ADAM9: variants seen among roughly 807,000 people sequenced by gnomAD.
ADAM9 encodes disintegrin and metalloproteinase domain-containing protein 9.
A neutral mutation model predicts 108.1 loss-of-function variants in ADAM9; 54 were observed. The observed-to-expected ratio is 0.50, with a 90% CI of 0.40 to 0.63. The LOEUF is 0.63. Ranked by LOEUF, ADAM9 falls within the 20% of genes least tolerant of loss-of-function variation. ADAM9 has a pLI of 0.00. For synonymous variants in ADAM9, 316 were observed against 336.0 expected, an observed-to-expected ratio of 0.94 and a Z score of 0.65; for missense variants, 830 against 997.7, an observed-to-expected ratio of 0.83 and a Z score of 2.26.
intron 12 of ADAM9, among the ~76,000 whole-genome samples, chr8:39,047,671 CTTTCTT>C (rs946555398): frequency 7.2e-5 from 11 of 151,904 alleles, no homozygotes; most frequent in Admixed American, 6.6e-4. Flanking sequence ...TGAGTCTTCT[CTTTCTT>C]TTTCTTAGTG....
chr8:39,102,551 G>A lies in ADAM9; in HGVS notation c.2366+621G>A, dbSNP rs564887827. Among the ~76,000 whole-genome samples, 141 of 152,254 alleles carry A rather than the reference G, an allele frequency of 9.3e-4. 2 individuals carry two copies. Among genetic ancestry groups the A allele is most frequent in the South Asian group, 7.3e-3 (35 of 4,824 alleles). On this transcript the variant is annotated intron_variant, in intron 21 of 21. Coordinates refer to ENST00000487273, the MANE Select transcript of ADAM9 (RefSeq NM_003816.3). ...TCTGTGCTGGGACCCAGAAGTAAGA[G>A]TGAACTAGACCTTCAACTGATTTCT...
At chr8:39,060,998 G>T (rs1268121859) in intron 14 of ADAM9, among the ~76,000 whole-genome samples, 1 of 152,232 alleles carries the variant, frequency 6.6e-6, no homozygotes, top group Non-Finnish European at 1.5e-5. Context: ...GCTTCAGTTG[G>T]AGTCACCACT....
intron 3 of ADAM9, among the ~76,000 whole-genome samples, chr8:39,012,303 C>G (rs1203332749): frequency 6.6e-6 from 1 of 152,156 alleles, no homozygotes; most frequent in East Asian, 1.9e-4. Flanking sequence ...AGGCTGTGTA[C>G]CTAACTAAAT....
At chr8:39,055,402 A>G (rs1838087274) in intron 13 of ADAM9, among the ~76,000 whole-genome samples, 175 bp from the exon 14 acceptor site, 1 of 152,074 alleles carries the variant, frequency 6.6e-6, no homozygotes, top group Non-Finnish European at 1.5e-5. Flanking sequence ...TACTTTCCAT[A>G]GTTAGGACTT....
chr8:39,021,794 T>C, intron 8 of ADAM9, 80 bp downstream of exon 8: 1 of 1,308,016 alleles, frequency 7.6e-7, no homozygotes, highest in Non-Finnish European at 1.1e-6. Context: ...ATGTCTCATT[T>C]TGAGTTCTGA....
At chr8:39,013,490 CTT>C (rs950906517) in intron 3 of ADAM9, among the ~76,000 whole-genome samples, 2 of 136,320 alleles carry the variant, frequency 1.5e-5, no homozygotes, top group African/African-American at 2.7e-5. Context: ...CGTTTATGAG[CTT>C]TTTTTTTTTC....
chr8:39,019,000 C>T (rs766487146), intron 7 of ADAM9, 82 bp downstream of exon 7: 1 of 1,287,202 alleles, frequency 7.8e-7, no homozygotes, highest in Non-Finnish European at 1.1e-6. Context: ...CTAAACTACA[C>T]ATTGTTTGTA....
chr8:39,082,670 T>C lies in ADAM9; in HGVS notation c.1911T>C (p.Ala637=), dbSNP rs1323290281. ...GTAGAAACTTCCAGTGTGTAGATGC[T>C]TCTGTTCTGAATTATGACTGTGATG... ...KICRNFQCVD[A]SVLNYDCDVQ... Residue 637 remains alanine (A), a synonymous_variant, in exon 17 of 22, where the codon GCT becomes GCC. Coordinates refer to ENST00000487273, the MANE Select transcript of ADAM9 (RefSeq NM_003816.3). 6 of 1,612,660 alleles carry C rather than the reference T, an allele frequency of 3.7e-6. No individual in the cohort carries two copies. Among genetic ancestry groups the C allele is most frequent in the Admixed American group, 1.7e-5 (1 of 59,930 alleles).
intron 9 of ADAM9, 110 bp from the exon 10 acceptor site, chr8:39,025,691 TCC>T: frequency 7.0e-6 from 7 of 996,520 alleles, no homozygotes; most frequent in Admixed American, 4.1e-5. Flanking sequence ...TTTGCCATTT[TCC>T]TGCCATGTTT....
intron 20 of ADAM9, among the ~76,000 whole-genome samples, chr8:39,092,017 T>C (rs999475286): frequency 1.3e-5 from 2 of 152,216 alleles, no homozygotes; most frequent in African/African-American, 4.8e-5. Context: ...ATCGGCCTAA[T>C]TGTCTAAGCT....
intron 12 of ADAM9, among the ~76,000 whole-genome samples, chr8:39,053,494 A>G (rs1588389547): frequency 6.6e-6 from 1 of 152,302 alleles, no homozygotes; most frequent in South Asian, 2.1e-4. Flanking sequence ...ATATTTCAAG[A>G]TGTACATTAA....
At position 39,105,042 on chromosome 8, in the gene ADAM9, T is replaced by A. The variant is rs1839822773; in HGVS notation, c.*1342T>A. ...TAGCTTCCTACTCAACTATTTATAA[T>A]CTCATTAATTAAAAAGTTATAATTT... On this transcript the variant is annotated 3_prime_UTR_variant, in exon 22 of 22. Coordinates refer to ENST00000487273, the MANE Select transcript of ADAM9 (RefSeq NM_003816.3). 1 of 410,622 alleles carries A rather than the reference T, an allele frequency of 2.4e-6. No individual in the cohort carries two copies. Among genetic ancestry groups the A allele is most frequent in the Non-Finnish European group, 4.7e-6 (1 of 214,572 alleles). The allele number at this position is 410,622 out of a possible 1,614,324, so 25.4% of individuals were successfully genotyped here.
intron 14 of ADAM9, among the ~76,000 whole-genome samples, chr8:39,070,419 T>C (rs931673046): frequency 6.6e-6 from 1 of 152,146 alleles, no homozygotes; most frequent in African/African-American, 2.4e-5. Flanking sequence ...CAGAAATATA[T>C]ACCACTTTTT....
chr8:39,054,715 T>G (rs1025271813), intron 13 of ADAM9, 142 bp downstream of exon 13: 2 of 667,014 alleles, frequency 3.0e-6, no homozygotes, highest in Non-Finnish European at 2.5e-6. Context: ...ATGCCACTTG[T>G]GTATAATTTT....
chr8:39,082,801 A>C (rs534867638), intron 17 of ADAM9, 80 bp downstream of exon 17: 1 of 1,408,672 alleles, frequency 7.1e-7, no homozygotes, highest in South Asian at 1.2e-5. Flanking sequence ...GAGAGTTCCC[A>C]GGATTTTCAG....
chr8:38,998,908 A>C (rs1166231695), intron 1 of ADAM9, among the ~76,000 whole-genome samples: 1 of 152,202 alleles, frequency 6.6e-6, no homozygotes, highest in Non-Finnish European at 1.5e-5. Context: ...ATGCTGAACT[A>C]AGGGGTTTGG....
At chr8:39,080,615 A>G (rs1838991046) in intron 16 of ADAM9, among the ~76,000 whole-genome samples, 1 of 152,214 alleles carries the variant, frequency 6.6e-6, no homozygotes, top group Non-Finnish European at 1.5e-5. Context: ...CCCTTCTGGT[A>G]TGTACCAAAG....
At chr8:39,013,919 G>A in intron 3 of ADAM9, 46 bp from the exon 4 acceptor site, 1 of 1,436,324 alleles carries the variant, frequency 7.0e-7, no homozygotes, top group South Asian at 1.1e-5. Flanking sequence ...GTCCTTAGTT[G>A]TAGATAGATA....
intron 7 of ADAM9, among the ~76,000 whole-genome samples, chr8:39,020,208 C>A (rs764564632): frequency 6.6e-6 from 1 of 152,092 alleles, no homozygotes; most frequent in Non-Finnish European, 1.5e-5. Flanking sequence ...GCTGAGATGG[C>A]GCCACTGCAC....
Sources: allele counts gnomAD v4.1 joint callset (sites outside exome capture counted in the v4.1 genomes callset), GRCh38; gene constraint gnomAD v4.1.1; transcripts MANE v1.5; gene names NCBI Gene and HGNC (gene_info 2026-07-23, HGNC 2026-07-21).